The following NTM variants were observed in gnomAD, a reference collection of about 807,000 sequenced individuals.
The protein encoded by NTM is neurotrimin.
A neutral mutation model predicts 42.1 loss-of-function variants in NTM; 13 were observed. The ratio of observed to expected loss-of-function variants is 0.31; its 90% CI spans 0.20 to 0.49. The LOEUF (loss-of-function observed/expected upper bound fraction) is 0.49. NTM is among the 20% of genes least tolerant of loss of function. The pLI is 0.99. For missense variants in NTM, 373 were observed against 452.8 expected (o/e 0.82, Z 1.60); for synonymous variants, 187 against 179.2 (o/e 1.04, Z -0.35).
intron 2 of NTM, among the ~76,000 whole-genome samples, chr11:132,016,140 T>C (rs2073365307): frequency 6.6e-6 from 1 of 152,048 alleles, no homozygotes; most frequent in South Asian, 2.1e-4. Context: ...TTTTATCAAA[T>C]GCTTTTTCTG....
chr11:131,564,080 G>A (rs2056571631), intron 1 of NTM, among the ~76,000 whole-genome samples: 1 of 152,162 alleles, frequency 6.6e-6, no homozygotes, highest in African/African-American at 2.4e-5. Context: ...TGCAGAAGCA[G>A]ACATTTTGTG....
At position 131,501,472 on chromosome 11, in the gene NTM, G is replaced by A. The variant is rs189677642; in HGVS notation, c.82+130584G>A. On this transcript the variant is annotated intron_variant, in intron 1 of 8. Transcript: ENST00000683400. ...TGGGCTGGAGCCTGGGTGTGAGGAGGAACATGCAGGAGATGATGCTTAGAG... is the reference window on the plus strand; with the variant it reads ...TGGGCTGGAGCCTGGGTGTGAGGAGAAACATGCAGGAGATGATGCTTAGAG... Among the ~76,000 whole-genome samples, 4 of 152,274 alleles carry A rather than the reference G, an allele frequency of 2.6e-5. No individual in the cohort carries two copies. The East Asian group carries it at 5.8e-4, about 22-fold the overall frequency.
chr11:131,857,939 C>T lies in NTM; in HGVS notation c.83-53625C>T, dbSNP rs76782624. Among the ~76,000 whole-genome samples the T allele has an allele frequency of 1.1e-4, 16 of 152,172 alleles. No homozygotes were observed. In the East Asian group the frequency reaches 3.1e-3, roughly 29 times the overall value. On this transcript the variant is annotated intron_variant, in intron 1 of 8. Transcript: ENST00000683400. ...TCTCCTTCAGGTAACATAAAAGACCCTTTATTGTCTGGTTCCTGACAGCTC... is the reference window on the plus strand; with the variant it reads ...TCTCCTTCAGGTAACATAAAAGACCTTTTATTGTCTGGTTCCTGACAGCTC...
At chr11:131,714,220 ACT>A (rs2077453823) in intron 1 of NTM, among the ~76,000 whole-genome samples, 1 of 151,862 alleles carries the variant, frequency 6.6e-6, no homozygotes, top group African/African-American at 2.4e-5. Context: ...ACAGAGTCTC[ACT>A]CTGTCACTCA....
At chr11:131,431,130 T>C (rs1948615798) in intron 1 of NTM, among the ~76,000 whole-genome samples, 1 of 152,208 alleles carries the variant, frequency 6.6e-6, no homozygotes, top group Admixed American at 6.5e-5. Context: ...TGTCTATTTT[T>C]ATAGCCACCC....
intron 6 of NTM, among the ~76,000 whole-genome samples, chr11:132,313,580 T>G (rs924166506): frequency 6.6e-6 from 1 of 152,206 alleles, no homozygotes; most frequent in Admixed American, 6.5e-5. Flanking sequence ...TAAAGCTCAT[T>G]CTAAGAAATG....
chr11:132,029,811 G>A (rs1456639421), intron 2 of NTM, among the ~76,000 whole-genome samples: 1 of 152,084 alleles, frequency 6.6e-6, no homozygotes, highest in African/African-American at 2.4e-5. Flanking sequence ...CAGAGACGAG[G>A]AGTGGGTATA....
chr11:131,664,719 G>A (rs539715215), intron 1 of NTM, among the ~76,000 whole-genome samples: 2 of 149,130 alleles, frequency 1.3e-5, no homozygotes, highest in East Asian at 2.0e-4. Flanking sequence ...ATAGAATGCC[G>A]TGAGTCAGAA....
intron 1 of NTM, among the ~76,000 whole-genome samples, chr11:131,510,113 C>T (rs911140257): frequency 6.6e-6 from 1 of 152,156 alleles, no homozygotes; most frequent in Non-Finnish European, 1.5e-5. Context: ...GCATAGCCAT[C>T]ATCAGGTTGA....
At chr11:132,141,341 C>T (rs1468644354) in intron 2 of NTM, among the ~76,000 whole-genome samples, 1 of 152,042 alleles carries the variant, frequency 6.6e-6, no homozygotes, top group African/African-American at 2.4e-5. Context: ...TGAGTCCATA[C>T]TTTCATGGTT....
intron 3 of NTM, among the ~76,000 whole-genome samples, chr11:132,205,240 T>G (rs2081806467): frequency 6.6e-6 from 1 of 152,126 alleles, no homozygotes; most frequent in Admixed American, 6.5e-5. Context: ...AGTTACCTGG[T>G]CCAAGTGGCT....
intron 1 of NTM, among the ~76,000 whole-genome samples, chr11:131,593,068 C>T (rs1254435571): frequency 6.6e-6 from 1 of 152,198 alleles, no homozygotes; most frequent in African/African-American, 2.4e-5. Flanking sequence ...GTGAGTGGTA[C>T]TATTGGCAGG....
intron 2 of NTM, among the ~76,000 whole-genome samples, chr11:132,038,908 C>T (rs1052278972): frequency 6.6e-6 from 1 of 152,238 alleles, no homozygotes; most frequent in Admixed American, 6.5e-5. Context: ...CAATGCTCTA[C>T]TTAGACCTCT....
chr11:131,597,285 C>CT (rs1187844328), intron 1 of NTM, among the ~76,000 whole-genome samples: 1 of 152,134 alleles, frequency 6.6e-6, no homozygotes, highest in African/African-American at 2.4e-5. Context: ...GGCACTTGCT[C>CT]TGTCTTCCTC....
intron 1 of NTM, chr11:131,661,054 T>C (rs1319659797): frequency 3.1e-6 from 4 of 1,302,326 alleles, no homozygotes; most frequent in Admixed American, 2.3e-5. Context: ...CACAGGTAGG[T>C]GCATACTCAA....
At chr11:131,813,378 A>G (rs1019299337) in intron 1 of NTM, among the ~76,000 whole-genome samples, 6 of 152,192 alleles carry the variant, frequency 3.9e-5, no homozygotes, top group Admixed American at 2.0e-4. Flanking sequence ...TGCAAAGATG[A>G]ATAATATGAG....
rs577206693 is a variant in NTM at position 131,995,827 on chromosome 11, A to G, written c.167+84179A>G. Among the ~76,000 whole-genome samples, 10 of 152,216 alleles carry G rather than the reference A, an allele frequency of 6.6e-5. No homozygotes were observed. The South Asian group carries it at 2.1e-3, about 32-fold the overall frequency. On this transcript the variant is annotated intron_variant, in intron 2 of 8. Coordinates refer to ENST00000683400, the MANE Select transcript of NTM (RefSeq NM_001352005.2). ...CAATCAACTAAAATTGGGGGTTTCTACAGTGGAAAATGAATGTAGCTACAT... is the reference window on the plus strand; with the variant it reads ...CAATCAACTAAAATTGGGGGTTTCTGCAGTGGAAAATGAATGTAGCTACAT...
chr11:131,809,810 C>T (rs1053273662), intron 1 of NTM, among the ~76,000 whole-genome samples: 1 of 152,176 alleles, frequency 6.6e-6, no homozygotes, highest in Admixed American at 6.5e-5. Context: ...GACAGCAGCC[C>T]TTCTGTGTCC....
chr11:131,757,972 C>T (rs1300871291), intron 1 of NTM, among the ~76,000 whole-genome samples: 1 of 152,156 alleles, frequency 6.6e-6, no homozygotes, highest in East Asian at 1.9e-4. Flanking sequence ...CTACTAACTT[C>T]AAATTTTCAA....
Sources: allele counts gnomAD v4.1 joint callset (sites outside exome capture counted in the v4.1 genomes callset), GRCh38; gene constraint gnomAD v4.1.1; transcripts MANE v1.5; gene names NCBI Gene and HGNC (gene_info 2026-07-23, HGNC 2026-07-21).